NFATC2: variants seen among roughly 807,000 people sequenced by gnomAD.
NFATC2 encodes the protein nuclear factor of activated T cells 2.
In NFATC2, 22 loss-of-function variants were observed where a neutral mutation model predicts 87.3. The observed-to-expected ratio is 0.25, with a 90% confidence interval of 0.18 to 0.36. The LOEUF is 0.36. Among genes scored for constraint, NFATC2 ranks in the 10% least tolerant of loss-of-function variants. The pLI is 1.00. For synonymous variants in NFATC2, 565 were observed against 542.2 expected (o/e 1.04, Z -0.58); for missense variants, 1,149 against 1,259.1 (o/e 0.91, Z 1.32).
intron 3 of NFATC2, among the ~76,000 whole-genome samples, chr20:51,495,396 T>A (rs1313844336): frequency 6.6e-6 from 1 of 152,188 alleles, no homozygotes; most frequent in Admixed American, 6.5e-5. Flanking sequence ...CTGGAAAGCC[T>A]CCTTTCTTAA....
intron 1 of NFATC2, among the ~76,000 whole-genome samples, chr20:51,527,740 G>A (rs1050212723): frequency 1.8e-4 from 27 of 152,108 alleles, no homozygotes; most frequent in African/African-American, 6.5e-4. Flanking sequence ...TAATATCCAT[G>A]AAAATTCCAA....
chr20:51,468,206 G>T (rs1987867742), intron 5 of NFATC2, among the ~76,000 whole-genome samples: 1 of 152,250 alleles, frequency 6.6e-6, no homozygotes, highest in Non-Finnish European at 1.5e-5. Flanking sequence ...GAACGTTCAA[G>T]AGTGAAGAAA....
chr20:51,395,447 G>T (rs1012991574), intron 10 of NFATC2, among the ~76,000 whole-genome samples: 4 of 152,220 alleles, frequency 2.6e-5, no homozygotes, highest in Non-Finnish European at 4.4e-5. Context: ...AGCCAGCAGA[G>T]AGAGGCCGTG....
chr20:51,429,102 T>C (rs1338038505), intron 9 of NFATC2, among the ~76,000 whole-genome samples: 1 of 152,218 alleles, frequency 6.6e-6, no homozygotes, highest in African/African-American at 2.4e-5. Flanking sequence ...CTCATATCCC[T>C]AGAGCTGATG....
At chr20:51,561,835 G>C (rs2077035912) in intron 1 of NFATC2, among the ~76,000 whole-genome samples, 1 of 151,956 alleles carries the variant, frequency 6.6e-6, no homozygotes, top group South Asian at 2.1e-4. Flanking sequence ...CGACCAGATG[G>C]GACATTTTCA....
chr20:51,449,796 A>G (rs6013189), intron 6 of NFATC2, among the ~76,000 whole-genome samples: 4,039 of 152,292 alleles, frequency 0.027, 132 homozygotes, highest in East Asian at 0.13. Context: ...AAATTGAGAA[A>G]ACAGTAGTCT....
intron 1 of NFATC2, among the ~76,000 whole-genome samples, chr20:51,530,551 G>A (rs970457792): frequency 2.6e-5 from 4 of 152,212 alleles, no homozygotes; most frequent in East Asian, 3.9e-4. Context: ...CCTCACTGGT[G>A]GACCACCTAA....
chr20:51,486,412 CT>C (rs1989714526), intron 3 of NFATC2, among the ~76,000 whole-genome samples: 1 of 152,182 alleles, frequency 6.6e-6, no homozygotes, highest in South Asian at 2.1e-4. Context: ...CATTCTTCCC[CT>C]GGGTCTTCCC....
intron 5 of NFATC2, among the ~76,000 whole-genome samples, chr20:51,472,426 C>G (rs533361573): frequency 3.2e-4 from 49 of 152,136 alleles, no homozygotes; most frequent in African/African-American, 1.1e-3. Context: ...TTCACAACCT[C>G]CCTGGCCTCT....
rs565835398 is a variant in NFATC2 at position 51,526,832 on chromosome 20, G to A, written c.131-2722C>T. Among the ~76,000 whole-genome samples, 54 of 152,194 alleles carry A rather than the reference G, an allele frequency of 3.5e-4. No individual in the cohort carries two copies. In the South Asian group the frequency reaches 0.01, roughly 29 times the overall value. ...CAGGCAGCCTGGCTGGGCCCTGCCT[G>A]TGCATCTACCCTCGCCTGCATTCAC... On this transcript the variant is annotated intron_variant, in intron 1 of 10. Coordinates refer to ENST00000371564, the MANE Select transcript of NFATC2 (RefSeq NM_012340.5).
At chr20:51,421,359 G>A (rs977805226) in intron 9 of NFATC2, among the ~76,000 whole-genome samples, 11 of 152,180 alleles carry the variant, frequency 7.2e-5, no homozygotes, top group Non-Finnish European at 1.6e-4. Flanking sequence ...CGAAGGCCCC[G>A]GCCGGATGCA....
At chr20:51,398,909 T>C in intron 9 of NFATC2, 179 bp from the exon 10 acceptor site, 2 of 589,558 alleles carry the variant, frequency 3.4e-6, no homozygotes, top group Non-Finnish European at 6.1e-6. Context: ...AACCCAACAC[T>C]AGGGTAATAA....
chr20:51,443,169 C>T (rs554527508), intron 6 of NFATC2, among the ~76,000 whole-genome samples: 72 of 151,884 alleles, frequency 4.7e-4, no homozygotes, highest in African/African-American at 1.5e-3. Flanking sequence ...TCAGGGAGAC[C>T]CCCCCTTCAT....
At chr20:51,496,889 C>T (rs2075997598) in intron 3 of NFATC2, among the ~76,000 whole-genome samples, 1 of 152,206 alleles carries the variant, frequency 6.6e-6, no homozygotes, top group Non-Finnish European at 1.5e-5. Flanking sequence ...ATCCAGAGTA[C>T]ACAGCTCACA....
rs528069293 is a variant in NFATC2, at chr20:51,471,218, A to C, written c.1708+2762T>G. On this transcript the variant is annotated intron_variant, in intron 5 of 10. Transcript: ENST00000371564. ...AAGTTGCCTTGAGAAACCCAAAGAG[A>C]GGGAGGATCAGGGGCTCCTGTCCCC... Among the ~76,000 whole-genome samples, 73 of 152,308 alleles carry C rather than the reference A, an allele frequency of 4.8e-4. 1 individual carries two copies. Among genetic ancestry groups the C allele is most frequent in the Non-Finnish European group, 2.8e-4 (19 of 68,032 alleles).
chr20:51,446,643 T>C (rs1985090442), intron 6 of NFATC2, among the ~76,000 whole-genome samples: 1 of 152,248 alleles, frequency 6.6e-6, no homozygotes, highest in Non-Finnish European at 1.5e-5. Context: ...TGCAGGATTC[T>C]TGGACTTAAA....
chr20:51,536,067 C>A (rs1348224655), intron 1 of NFATC2, among the ~76,000 whole-genome samples: 1 of 152,146 alleles, frequency 6.6e-6, no homozygotes, highest in African/African-American at 2.4e-5. Context: ...GACCATCCAC[C>A]GGGATGGAGA....
At chr20:51,418,659 G>GTTTTTTTTTTTTTTTTT (rs752511466) in intron 9 of NFATC2, among the ~76,000 whole-genome samples, 3 of 125,104 alleles carry the variant, frequency 2.4e-5, no homozygotes, top group African/African-American at 1.0e-4. Context: ...TGTTTGTTTG[G>GTTTTTTTTTTTTTTTTT]TTTTTTTTTT....
At chr20:51,419,318 C>T (rs572679253) in intron 9 of NFATC2, among the ~76,000 whole-genome samples, 23 of 152,336 alleles carry the variant, frequency 1.5e-4, no homozygotes, top group Non-Finnish European at 2.6e-4. Flanking sequence ...TCCCAGCCTC[C>T]TCTGTGGCTC....
Sources: gnomAD v4.1 joint callset for allele counts (sites outside exome capture counted in the v4.1 genomes callset) on GRCh38, gnomAD v4.1.1 for gene constraint, MANE v1.5 for transcripts, NCBI Gene and HGNC (gene_info 2026-07-23, HGNC 2026-07-21) for gene names.